The following MID2 variants were observed in gnomAD, a reference collection of about 807,000 sequenced individuals.
The protein encoded by MID2 is midline 2.
In MID2, 13 loss-of-function variants were observed where a neutral mutation model predicts 46.1. That is an observed-to-expected ratio of 0.28 (90% CI 0.18 to 0.45). The LOEUF is 0.45. Among genes scored for constraint, MID2 ranks in the 20% least tolerant of loss-of-function variants. The pLI is 1.00. For missense variants in MID2, 431 were observed against 575.4 expected, an observed-to-expected ratio of 0.75 and a Z score of 2.57; for synonymous variants, 199 against 212.3, an observed-to-expected ratio of 0.94 and a Z score of 0.55.
chrX:107,888,431 G>A (rs1025589671), intron 3 of MID2, among the ~76,000 whole-genome samples: 10 of 112,053 alleles, frequency 8.9e-5, no homozygotes, highest in Non-Finnish European at 1.1e-4. Context: ...GTAGTTGAGC[G>A]GTTTTGAGTG....
intron 5 of MID2, among the ~76,000 whole-genome samples, chrX:107,914,979 A>G (rs1932944964): frequency 8.9e-6 from 1 of 112,361 alleles, no homozygotes; most frequent in Admixed American, 9.4e-5. Context: ...ACATAGTGTT[A>G]TGGTAAAGAG....
chrX:107,852,885 A>G (rs1383048149), intron 2 of MID2, among the ~76,000 whole-genome samples: 2 of 111,692 alleles, frequency 1.8e-5, no homozygotes, highest in Non-Finnish European at 3.8e-5. Flanking sequence ...ACTACAAAAC[A>G]TAGGAACAAT....
At chrX:107,893,288 C>T (rs1364848236) in intron 3 of MID2, among the ~76,000 whole-genome samples, 1 of 112,600 alleles carries the variant, frequency 8.9e-6, no homozygotes, top group Non-Finnish European at 1.9e-5. Context: ...CAGTCTTTGT[C>T]AGTGCTTCTT....
chrX:107,851,285 C>T (rs1359288374), intron 2 of MID2, among the ~76,000 whole-genome samples: 1 of 111,439 alleles, frequency 9.0e-6, no homozygotes, highest in African/African-American at 3.3e-5. Flanking sequence ...ACTCTAACCT[C>T]AGGATTTCAC....
At position 107,826,015 on chromosome X, in the gene MID2, GC is replaced by G. The variant is rs1930931554; in HGVS notation, c.-408del. Reference sequence around the variant, plus strand: ...TTCCCAGTGCTCCCTTGGGGTGTCAGCCCCAGCCCCGTTTGCCCCCACTCCG... The same window carrying G: ...TTCCCAGTGCTCCCTTGGGGTGTCAGCCCAGCCCCGTTTGCCCCCACTCCG... On this transcript the variant is annotated 5_prime_UTR_variant, in exon 1 of 10. Coordinates refer to ENST00000262843, the MANE Select transcript of MID2 (RefSeq NM_012216.4). The G allele has an allele frequency of 3.5e-6, 1 of 287,697 alleles. No homozygotes were observed. The highest frequency in any genetic ancestry group is 2.8e-5 in the African/African-American group (1 of 35,976). The allele number at this position is 287,697 out of a possible 1,213,427, so 23.7% of individuals were successfully genotyped here. A position where few individuals can be genotyped will look rare whatever the true frequency, so the allele number is the denominator to read the frequency against.
intron 3 of MID2, among the ~76,000 whole-genome samples, chrX:107,899,182 TC>T (rs779172580): frequency 0.022 from 892 of 40,435 alleles, 1 homozygote; most frequent in South Asian, 0.048. Context: ...CCCCTCCCCC[TC>T]CCCCCCCCCA....
At chrX:107,869,181 TTG>T (rs1485959791) in intron 3 of MID2, among the ~76,000 whole-genome samples, 1 of 111,507 alleles carries the variant, frequency 9.0e-6, no homozygotes, top group Non-Finnish European at 1.9e-5. Context: ...GGGCATGTAG[TTG>T]TGTTTCCTTT....
rs773316437 is a variant in MID2 at position 107,874,061 on chromosome X, G to A, written c.816+19357G>A. Among the ~76,000 whole-genome samples the A allele has an allele frequency of 2.0e-4, 23 of 112,269 alleles. No homozygotes were observed. The East Asian group carries it at 4.5e-3, about 22-fold the overall frequency. On this transcript the variant is annotated intron_variant, in intron 3 of 9. Coordinates refer to ENST00000262843, the MANE Select transcript of MID2 (RefSeq NM_012216.4). ...ATTCAGAGTAACTATTGCATACCTT[G>A]CCTTATGTATCCCTTGTTCTACAAA...
chrX:107,885,283 C>A (rs1197365279), intron 3 of MID2, among the ~76,000 whole-genome samples: 3 of 84,151 alleles, frequency 3.6e-5, no homozygotes, highest in Admixed American at 1.4e-4. Context: ...CCCCCCACCC[C>A]ACAACAGGCC....
intron 1 of MID2, among the ~76,000 whole-genome samples, chrX:107,827,987 T>C (rs1860478125): frequency 1.8e-5 from 2 of 112,411 alleles, no homozygotes; most frequent in Admixed American, 1.9e-4. Flanking sequence ...TGGGGCCTGA[T>C]GGGAGGTGAC....
chrX:107,855,521 G>T (rs1306154541), intron 3 of MID2, among the ~76,000 whole-genome samples: 1 of 112,144 alleles, frequency 8.9e-6, no homozygotes, highest in African/African-American at 3.2e-5. Flanking sequence ...ATGGGCAGTG[G>T]TTGGATAAAA....
intron 3 of MID2, among the ~76,000 whole-genome samples, chrX:107,902,178 C>T (rs1430612157): frequency 9.0e-6 from 1 of 111,586 alleles, no homozygotes; most frequent in Non-Finnish European, 1.9e-5. Context: ...GTACCTACCT[C>T]GGGACTGTTT....
intron 1 of MID2, among the ~76,000 whole-genome samples, chrX:107,834,396 C>A (rs1393466109): frequency 8.9e-6 from 1 of 111,901 alleles, no homozygotes; most frequent in African/African-American, 3.3e-5. Context: ...GTTTTTATGA[C>A]AAATTGTAAA....
intron 3 of MID2, among the ~76,000 whole-genome samples, chrX:107,871,958 C>T (rs774603998): frequency 8.9e-6 from 1 of 111,825 alleles, no homozygotes; most frequent in African/African-American, 3.3e-5. Flanking sequence ...CTTTGGGACA[C>T]GGTTCCAGGC....
intron 3 of MID2, among the ~76,000 whole-genome samples, chrX:107,891,793 C>T (rs1159571014): frequency 8.9e-6 from 1 of 111,764 alleles, no homozygotes; most frequent in Non-Finnish European, 1.9e-5. Context: ...CTTTCAGGCT[C>T]TTTCCTGGTA....
At chrX:107,875,017 G>A (rs932196099) in intron 3 of MID2, among the ~76,000 whole-genome samples, 1 of 111,025 alleles carries the variant, frequency 9.0e-6, no homozygotes, top group African/African-American at 3.3e-5. Context: ...TCTATATATT[G>A]TAAAACTTTA....
chrX:107,909,358 G>C (rs1197583966), intron 5 of MID2, among the ~76,000 whole-genome samples: 1 of 111,694 alleles, frequency 9.0e-6, no homozygotes, highest in Non-Finnish European at 1.9e-5. Context: ...GAGTACCAGG[G>C]ATTGTTCCCT....
chrX:107,911,187 G>C (rs1019889415), intron 5 of MID2, among the ~76,000 whole-genome samples: 1 of 110,194 alleles, frequency 9.1e-6, no homozygotes, highest in African/African-American at 3.3e-5. Context: ...TTTTTCCTGG[G>C]CACTCAGTGA....
At chrX:107,864,996 A>C (rs902680982) in intron 3 of MID2, among the ~76,000 whole-genome samples, 1 of 112,334 alleles carries the variant, frequency 8.9e-6, no homozygotes, top group Non-Finnish European at 1.9e-5. Flanking sequence ...AATCCACACA[A>C]TAACCCAATG....
Sources: allele counts gnomAD v4.1 joint callset (sites outside exome capture counted in the v4.1 genomes callset), GRCh38; gene constraint gnomAD v4.1.1; transcripts MANE v1.5; gene names NCBI Gene and HGNC (gene_info 2026-07-23, HGNC 2026-07-21).